The following ELMO1 variants were observed in gnomAD, a reference collection of about 807,000 sequenced individuals.
ELMO1 encodes engulfment and cell motility protein 1.
In ELMO1, 26 loss-of-function variants were observed where a neutral mutation model predicts 98.9. That is an observed-to-expected ratio of 0.26 (90% CI 0.19 to 0.36). ELMO1 has a LOEUF of 0.36. ELMO1 is among the 10% of genes least tolerant of loss of function. The pLI is 1.00. For synonymous variants in ELMO1, 346 were observed against 346.0 expected, an observed-to-expected ratio of 1.00 and a Z score of 0.00; for missense variants, 627 against 935.2, an observed-to-expected ratio of 0.67 and a Z score of 4.30.
At chr7:37,087,517 TA>T (rs1479365368) in intron 15 of ELMO1, among the ~76,000 whole-genome samples, 1 of 152,144 alleles carries the variant, frequency 6.6e-6, no homozygotes, top group East Asian at 1.9e-4. Flanking sequence ...AACACTATTT[TA>T]ACATTATTGG....
At chr7:37,125,801 A>G in intron 14 of ELMO1, among the ~76,000 whole-genome samples, 1 of 152,234 alleles carries the variant, frequency 6.6e-6, no homozygotes, top group South Asian at 2.1e-4. Flanking sequence ...TACTGGGTAT[A>G]TACCCAAAGG....
chr7:37,443,783 A>G (rs978795567), intron 1 of ELMO1, among the ~76,000 whole-genome samples: 8 of 152,300 alleles, frequency 5.3e-5, no homozygotes, highest in Admixed American at 1.3e-4. Flanking sequence ...GCTTTGCTGA[A>G]CCTAAAAATG....
chr7:36,899,314 C>T (rs1806301057), intron 16 of ELMO1, among the ~76,000 whole-genome samples: 1 of 152,012 alleles, frequency 6.6e-6, no homozygotes, highest in Admixed American at 6.6e-5. Context: ...CAAAGTAGTC[C>T]TTATTCCTGC....
chr7:37,145,572 G>A (rs780780277), intron 13 of ELMO1, among the ~76,000 whole-genome samples: 1 of 152,178 alleles, frequency 6.6e-6, no homozygotes, highest in Non-Finnish European at 1.5e-5. Flanking sequence ...CTTCCTGGTT[G>A]GGAAAACAGT....
rs193222042 is a variant in ELMO1, at chr7:37,000,491, C to T, written c.1437+12808G>A. Among the ~76,000 whole-genome samples, 373 of 152,338 alleles carry T rather than the reference C, an allele frequency of 2.4e-3. 1 individual carries two copies. The highest frequency in any genetic ancestry group is 8.5e-3 in the African/African-American group (352 of 41,570). On this transcript the variant is annotated intron_variant, in intron 16 of 21. Coordinates refer to ENST00000310758, the MANE Select transcript of ELMO1 (RefSeq NM_014800.11). ...CTTAAAACTCTCACTGTGGCAAGAA[C>T]TGGGTCTTCCCACTCTTATGACATT...
intron 2 of ELMO1, among the ~76,000 whole-genome samples, chr7:37,320,463 G>A (rs1799424233): frequency 6.6e-6 from 1 of 151,884 alleles, no homozygotes; most frequent in African/African-American, 2.4e-5. Flanking sequence ...CATTTGCTTT[G>A]TTGAAATGGC....
At chr7:37,434,412 GC>G (rs962976420) in intron 1 of ELMO1, among the ~76,000 whole-genome samples, 3 of 152,180 alleles carry the variant, frequency 2.0e-5, no homozygotes, top group South Asian at 2.1e-4. Flanking sequence ...CTAAGTGGTT[GC>G]ATTACCCATG....
chr7:37,095,707 T>C (rs546878663), intron 15 of ELMO1, among the ~76,000 whole-genome samples: 2 of 152,346 alleles, frequency 1.3e-5, no homozygotes, highest in East Asian at 3.9e-4. Flanking sequence ...AAAACATAAC[T>C]CTCTTTCCAA....
chr7:37,192,965 T>G, intron 13 of ELMO1, among the ~76,000 whole-genome samples: 1 of 117,512 alleles, frequency 8.5e-6, no homozygotes, highest in African/African-American at 3.1e-5. Context: ...TTTATATATA[T>G]AGGAGATATA....
At chr7:37,282,241 C>T (rs1797178713) in intron 4 of ELMO1, among the ~76,000 whole-genome samples, 1 of 152,204 alleles carries the variant, frequency 6.6e-6, no homozygotes, top group African/African-American at 2.4e-5. Flanking sequence ...TGCGTTCAGG[C>T]CCTGTGGAGG....
At chr7:37,426,524 A>G (rs922490778) in intron 1 of ELMO1, among the ~76,000 whole-genome samples, 4 of 152,128 alleles carry the variant, frequency 2.6e-5, no homozygotes, top group African/African-American at 9.7e-5. Flanking sequence ...ACTAAATGAG[A>G]TAACATATAT....
intron 8 of ELMO1, among the ~76,000 whole-genome samples, chr7:37,228,645 T>A (rs1002529777): frequency 4.1e-4 from 62 of 152,184 alleles, no homozygotes; most frequent in African/African-American, 1.5e-3. Flanking sequence ...AACGATCCAA[T>A]AAATACTTCT....
At chr7:37,105,356 T>C (rs1784886897) in intron 14 of ELMO1, among the ~76,000 whole-genome samples, 1 of 152,138 alleles carries the variant, frequency 6.6e-6, no homozygotes, top group African/African-American at 2.4e-5. Flanking sequence ...CCAGCTGACT[T>C]CCCCACCAAA....
chr7:37,276,378 G>A (rs796586740), intron 4 of ELMO1, among the ~76,000 whole-genome samples: 48 of 152,310 alleles, frequency 3.2e-4, no homozygotes, highest in African/African-American at 1.1e-3. Context: ...GGAGGCCCAG[G>A]CAGGCAGATC....
chr7:36,987,733 A>T (rs776413790), intron 16 of ELMO1, among the ~76,000 whole-genome samples: 9 of 151,988 alleles, frequency 5.9e-5, no homozygotes, highest in Non-Finnish European at 1.2e-4. Context: ...CTCAGTATAA[A>T]CCCCATATCC....
At chr7:37,318,573 A>G (rs1799325827) in intron 2 of ELMO1, among the ~76,000 whole-genome samples, 1 of 152,228 alleles carries the variant, frequency 6.6e-6, no homozygotes, top group Non-Finnish European at 1.5e-5. Context: ...GTACTATTAT[A>G]CCTAGAACAT....
intron 1 of ELMO1, among the ~76,000 whole-genome samples, chr7:37,386,872 C>A (rs913749131): frequency 1.3e-5 from 2 of 152,214 alleles, no homozygotes; most frequent in Non-Finnish European, 2.9e-5. Context: ...ATTAGCCTTG[C>A]ATGCACATTG....
intron 13 of ELMO1, among the ~76,000 whole-genome samples, chr7:37,194,574 C>A (rs535751803): frequency 1.3e-5 from 2 of 152,304 alleles, no homozygotes; most frequent in East Asian, 3.9e-4. Flanking sequence ...TACAAATTAT[C>A]AAATATCATC....
At chr7:36,896,170 A>C (rs190330647) in intron 16 of ELMO1, among the ~76,000 whole-genome samples, 1 of 152,238 alleles carries the variant, frequency 6.6e-6, no homozygotes, top group Admixed American at 6.5e-5. Flanking sequence ...GCTGTTTATC[A>C]CCTTATTTAA....
Sources: allele counts gnomAD v4.1 joint callset (sites outside exome capture counted in the v4.1 genomes callset), GRCh38; gene constraint gnomAD v4.1.1; transcripts MANE v1.5; gene names NCBI Gene and HGNC (gene_info 2026-07-23, HGNC 2026-07-21).